PIK3AP1: variants seen among roughly 807,000 people sequenced by gnomAD.
PIK3AP1 encodes phosphoinositide-3-kinase adaptor protein 1, also known as phosphoinositide 3-kinase adapter protein 1.
In PIK3AP1, 21 loss-of-function variants were observed where a neutral mutation model predicts 88.1. The ratio of observed to expected loss-of-function variants is 0.24; its 90% confidence interval spans 0.17 to 0.34. The LOEUF is 0.34. Among genes scored for constraint, PIK3AP1 ranks in the 10% least tolerant of loss-of-function variants. PIK3AP1 has a pLI of 1.00. For missense variants in PIK3AP1, 828 were observed against 1,035.7 expected, an observed-to-expected ratio of 0.80 and a Z score of 2.75; for synonymous variants, 398 against 400.0, an observed-to-expected ratio of 1.00 and a Z score of 0.06.
chr10:96,665,447 G>T (rs1250926202), intron 2 of PIK3AP1, among the ~76,000 whole-genome samples: 1 of 152,142 alleles, frequency 6.6e-6, no homozygotes, highest in Non-Finnish European at 1.5e-5. Flanking sequence ...CCTTGGTCTT[G>T]CCTATTTCTC....
At chr10:96,717,821 T>C (rs1010394473) in intron 1 of PIK3AP1, among the ~76,000 whole-genome samples, 1 of 152,214 alleles carries the variant, frequency 6.6e-6, no homozygotes, top group African/African-American at 2.4e-5. Context: ...TTTTGTGGAA[T>C]AGGCCAAGTC....
intron 8 of PIK3AP1, among the ~76,000 whole-genome samples, chr10:96,640,526 G>A (rs1025443514): frequency 3.9e-5 from 6 of 152,204 alleles, no homozygotes; most frequent in African/African-American, 1.4e-4. Context: ...AGAAAAAGAT[G>A]AGGAGATAGT....
chr10:96,608,411 T>A (rs889373417), intron 14 of PIK3AP1, among the ~76,000 whole-genome samples: 2 of 152,220 alleles, frequency 1.3e-5, no homozygotes, highest in Non-Finnish European at 2.9e-5. Context: ...ACCCCCATTA[T>A]GTAAGAGGAA....
chr10:96,648,719 G>A lies in PIK3AP1; in HGVS notation c.1125C>T (p.Pro375=). The change falls in exon 7 of 17, where the codon CCC becomes CCT. Residue 375 remains proline, a synonymous_variant. Coordinates refer to ENST00000339364, the MANE Select transcript of PIK3AP1 (RefSeq NM_152309.3). ...AGCCGTGTTTCTCAGCGATGGTGTT[G>A]GGGTAGTGGCCATGCTTGTTGGCCA... ...YSVANKHGHY[P]NTIAEKHGFR... 1 of 1,610,892 alleles carries A rather than the reference G, an allele frequency of 6.2e-7. No individual in the cohort carries two copies. Among genetic ancestry groups the A allele is most frequent in the Non-Finnish European group, 8.5e-7 (1 of 1,178,794 alleles).
chr10:96,705,640 T>C (rs928975567), intron 2 of PIK3AP1, among the ~76,000 whole-genome samples: 1 of 150,722 alleles, frequency 6.6e-6, no homozygotes, highest in African/African-American at 2.4e-5. Flanking sequence ...TGGAATGCAG[T>C]GGCTCAGTCA....
intron 13 of PIK3AP1, among the ~76,000 whole-genome samples, chr10:96,611,284 G>A (rs1198109869): frequency 6.6e-6 from 1 of 152,116 alleles, no homozygotes; most frequent in African/African-American, 2.4e-5. Context: ...GTGTAATCCA[G>A]GTCTTTTTCA....
intron 2 of PIK3AP1, among the ~76,000 whole-genome samples, chr10:96,700,158 T>G (rs1229444354): frequency 6.6e-6 from 1 of 152,080 alleles, no homozygotes; most frequent in Non-Finnish European, 1.5e-5. Context: ...ACAGTTGACA[T>G]AGGGACTTGC....
rs1303344096 is a variant in PIK3AP1, at chr10:96,718,320, G to T, written c.13+2062C>A. Among the ~76,000 whole-genome samples the T allele has an allele frequency of 2.0e-5, 3 of 152,202 alleles. No individual in the cohort carries two copies. In the East Asian group the frequency reaches 5.8e-4, roughly 29 times the overall value. On this transcript the variant is annotated intron_variant, in intron 1 of 16. Transcript: ENST00000339364. ...GGCATGTGAATTATATCACAATAAA[G>T]CTGCTTTTAAAAGAAAAGAAGAACA...
At chr10:96,699,714 C>T (rs1844270016) in intron 2 of PIK3AP1, among the ~76,000 whole-genome samples, 1 of 152,170 alleles carries the variant, frequency 6.6e-6, no homozygotes, top group African/African-American at 2.4e-5. Flanking sequence ...CCTTGGACTA[C>T]AAGACAGGAG....
chr10:96,712,195 C>T (rs1212965035), intron 1 of PIK3AP1, among the ~76,000 whole-genome samples: 9 of 152,098 alleles, frequency 5.9e-5, no homozygotes, highest in Non-Finnish European at 1.3e-4. Flanking sequence ...CAAGTTGATC[C>T]GCCTGAGAGT....
intron 2 of PIK3AP1, among the ~76,000 whole-genome samples, chr10:96,704,715 T>A (rs536148100): frequency 6.7e-6 from 1 of 149,536 alleles, no homozygotes; most frequent in Non-Finnish European, 1.5e-5. Flanking sequence ...CGAGACTCTA[T>A]CTCAAAAAGA....
At chr10:96,608,911 T>C (rs1020023591) in intron 14 of PIK3AP1, among the ~76,000 whole-genome samples, 21 of 152,196 alleles carry the variant, frequency 1.4e-4, no homozygotes, top group African/African-American at 4.8e-4. Flanking sequence ...AGCACTGAAA[T>C]GTATGAAAGA....
intron 2 of PIK3AP1, among the ~76,000 whole-genome samples, chr10:96,673,930 G>A (rs528278661): frequency 6.6e-6 from 1 of 152,224 alleles, no homozygotes; most frequent in South Asian, 2.1e-4. Flanking sequence ...TTCGCATTCC[G>A]ACCAGCTGAA....
intron 8 of PIK3AP1, chr10:96,633,185 T>C: frequency 1.7e-6 from 2 of 1,157,498 alleles, no homozygotes; most frequent in Non-Finnish European, 2.4e-6. Flanking sequence ...CAAGTATTTC[T>C]AGTTCCTGTA....
At chr10:96,635,959 G>C (rs1409220751) in intron 8 of PIK3AP1, among the ~76,000 whole-genome samples, 1 of 151,962 alleles carries the variant, frequency 6.6e-6, no homozygotes, top group Non-Finnish European at 1.5e-5. Context: ...TGTAATCCCA[G>C]CACTTTGGGA....
chr10:96,706,033 A>G (rs1317234992), intron 2 of PIK3AP1, among the ~76,000 whole-genome samples: 1 of 151,602 alleles, frequency 6.6e-6, no homozygotes, highest in African/African-American at 2.4e-5. Flanking sequence ...AGCTGGGACT[A>G]CAGGCGCCCG....
chr10:96,623,403 A>T, intron 11 of PIK3AP1, 69 bp downstream of exon 11: 2 of 1,401,878 alleles, frequency 1.4e-6, no homozygotes, highest in Non-Finnish European at 1.0e-6. Flanking sequence ...CTATTGTTAC[A>T]CTTGGAAATC....
chr10:96,627,557 G>C (rs1376756755), intron 9 of PIK3AP1, among the ~76,000 whole-genome samples: 1 of 152,138 alleles, frequency 6.6e-6, no homozygotes, highest in East Asian at 1.9e-4. Context: ...CACTGCTTTA[G>C]AGTTTTTTCC....
At chr10:96,602,241 A>G in intron 16 of PIK3AP1, 39 bp downstream of exon 16, 1 of 1,492,452 alleles carries the variant, frequency 6.7e-7, no homozygotes. Context: ...CCTAGGATTC[A>G]GAGATAAGGG....
Sources: gnomAD v4.1 joint callset for allele counts (sites outside exome capture counted in the v4.1 genomes callset) on GRCh38, gnomAD v4.1.1 for gene constraint, MANE v1.5 for transcripts, NCBI Gene and HGNC (gene_info 2026-07-23, HGNC 2026-07-21) for gene names.